The following LHFPL3 variants were observed in gnomAD, a reference collection of about 807,000 sequenced individuals.
LHFPL3 encodes LHFPL tetraspan subfamily member 3, also known as LHFPL tetraspan subfamily member 3 protein.
LHFPL3 carries 5 observed loss-of-function variants against 19.3 expected under a neutral mutation model. The ratio of observed to expected loss-of-function variants is 0.26; its 90% CI spans 0.14 to 0.54. The LOEUF (loss-of-function observed/expected upper bound fraction) is 0.54. Ranked by LOEUF, LHFPL3 falls within the 20% of genes least tolerant of loss-of-function variation. LHFPL3 has a pLI of 0.94. For missense variants in LHFPL3, 249 were observed against 307.4 expected (o/e 0.81, Z 1.42); for synonymous variants, 133 against 126.2 (o/e 1.05, Z -0.36).
intron 1 of LHFPL3, among the ~76,000 whole-genome samples, chr7:104,479,537 G>GC (rs1793091092): frequency 1.3e-5 from 2 of 152,002 alleles, no homozygotes; most frequent in African/African-American, 4.8e-5. Flanking sequence ...GATTACAGGT[G>GC]CCCACCACCA....
intron 1 of LHFPL3, among the ~76,000 whole-genome samples, chr7:104,527,489 G>A (rs909998493): frequency 2.0e-5 from 3 of 152,146 alleles, no homozygotes; most frequent in Non-Finnish European, 2.9e-5. Context: ...GAGACCAAGG[G>A]GAACAGAGTT....
intron 1 of LHFPL3, among the ~76,000 whole-genome samples, chr7:104,370,666 C>T (rs2078885): frequency 0.4 from 60,160 of 152,020 alleles, 12,156 homozygotes; most frequent in East Asian, 0.47. Context: ...GTGGATCGCC[C>T]GTGGTCAGAG....
At chr7:104,860,140 TACC>T (rs1165681136) in intron 2 of LHFPL3, among the ~76,000 whole-genome samples, 7 of 151,052 alleles carry the variant, frequency 4.6e-5, no homozygotes, top group African/African-American at 1.7e-4. Flanking sequence ...CTAATCCTTC[TACC>T]ACCACCCCCC....
intron 1 of LHFPL3, among the ~76,000 whole-genome samples, chr7:104,371,408 T>C (rs935039989): frequency 9.2e-5 from 14 of 152,286 alleles, no homozygotes; most frequent in Admixed American, 9.2e-4. Flanking sequence ...AACATTTGGA[T>C]ATAGTTCTCT....
At chr7:104,698,237 A>G (rs1423781913) in intron 1 of LHFPL3, among the ~76,000 whole-genome samples, 2 of 152,256 alleles carry the variant, frequency 1.3e-5, no homozygotes, top group Non-Finnish European at 2.9e-5. Context: ...ACATATAAGA[A>G]CAACAAAACA....
intron 2 of LHFPL3, among the ~76,000 whole-genome samples, chr7:104,893,444 G>T (rs1792292097): frequency 6.6e-6 from 1 of 151,822 alleles, no homozygotes; most frequent in Admixed American, 6.6e-5. Context: ...AACCTAGGAG[G>T]CTAGGAGGTG....
chr7:104,785,404 GCT>G (rs1349351696), intron 2 of LHFPL3: 1 of 152,108 alleles, frequency 6.6e-6, no homozygotes, highest in Non-Finnish European at 1.5e-5. Context: ...ATAAACCTCT[GCT>G]AAGTAAGTGA....
chr7:104,584,314 G>C (rs903059902), intron 1 of LHFPL3, among the ~76,000 whole-genome samples: 28 of 151,962 alleles, frequency 1.8e-4, no homozygotes, highest in Middle Eastern at 6.3e-3. Flanking sequence ...GTTGTGGGGT[G>C]GGGGGAGAGG....
intron 1 of LHFPL3, among the ~76,000 whole-genome samples, chr7:104,511,613 A>G (rs1179828947): frequency 6.6e-6 from 1 of 152,228 alleles, no homozygotes; most frequent in Non-Finnish European, 1.5e-5. Flanking sequence ...AGGTACATCC[A>G]TACCATGGAA....
At chr7:104,595,101 C>T (rs1790816831) in intron 1 of LHFPL3, among the ~76,000 whole-genome samples, 1 of 152,184 alleles carries the variant, frequency 6.6e-6, no homozygotes, top group African/African-American at 2.4e-5. Flanking sequence ...AGCTGTGAAC[C>T]TTTCGAGGAG....
In LHFPL3 at chr7:104,367,926, C is replaced by A. The variant is rs73403824; in HGVS notation, c.445+38702C>A. On this transcript the variant is annotated intron_variant, in intron 1 of 2. Transcript: ENST00000424859. ...TAGTTATTTCCCCAAGGCTTACTTT[C>A]CCCTTGTCCTTTTGAACTTTAAGCC... Among the ~76,000 whole-genome samples, 867 of 152,314 alleles carry A rather than the reference C, an allele frequency of 5.7e-3. 14 individuals carry two copies. Among genetic ancestry groups the A allele is most frequent in the African/African-American group, 0.02 (819 of 41,562 alleles).
intron 2 of LHFPL3, among the ~76,000 whole-genome samples, chr7:104,815,364 G>A (rs1275096784): frequency 6.6e-6 from 1 of 152,184 alleles, no homozygotes; most frequent in African/African-American, 2.4e-5. Context: ...GCTGGGGAGG[G>A]ACATGTGGGG....
intron 1 of LHFPL3, among the ~76,000 whole-genome samples, chr7:104,578,061 G>A (rs889766313): frequency 6.6e-6 from 1 of 152,196 alleles, no homozygotes; most frequent in Non-Finnish European, 1.5e-5. Flanking sequence ...ATAAAGAAAT[G>A]CAGTAAAGGA....
At chr7:104,645,266 TG>T (rs1386641970) in intron 1 of LHFPL3, among the ~76,000 whole-genome samples, 2 of 152,314 alleles carry the variant, frequency 1.3e-5, no homozygotes, top group African/African-American at 4.8e-5. Flanking sequence ...TTTTCAAAAC[TG>T]CTTTATTTTG....
chr7:104,573,584 T>G (rs1445314689), intron 1 of LHFPL3, among the ~76,000 whole-genome samples: 1 of 152,194 alleles, frequency 6.6e-6, no homozygotes, highest in East Asian at 1.9e-4. Context: ...CCCTTTGGAA[T>G]TATTTTGTCA....
intron 1 of LHFPL3, among the ~76,000 whole-genome samples, chr7:104,689,548 G>C (rs1307247969): frequency 1.3e-5 from 2 of 152,132 alleles, no homozygotes; most frequent in Admixed American, 1.3e-4. Flanking sequence ...CCCTTGAATG[G>C]AGGGGACACT....
chr7:104,334,327 A>T (rs181440975), intron 1 of LHFPL3, among the ~76,000 whole-genome samples: 1 of 152,310 alleles, frequency 6.6e-6, no homozygotes, highest in Non-Finnish European at 1.5e-5. Context: ...CGGGCAGATC[A>T]CCTGAGGTCA....
intron 2 of LHFPL3, among the ~76,000 whole-genome samples, chr7:104,905,414 T>C (rs1207949237): frequency 2.6e-5 from 4 of 152,266 alleles, no homozygotes; most frequent in East Asian, 3.9e-4. Flanking sequence ...CAGAATATTA[T>C]GCAGCCATTG....
chr7:104,773,889 C>G (rs1366474977), intron 2 of LHFPL3, among the ~76,000 whole-genome samples: 1 of 152,238 alleles, frequency 6.6e-6, no homozygotes, highest in Non-Finnish European at 1.5e-5. Flanking sequence ...TCCTTGACTT[C>G]TAGCATCCAG....
Sources: gnomAD v4.1 joint callset for allele counts (sites outside exome capture counted in the v4.1 genomes callset) on GRCh38, gnomAD v4.1.1 for gene constraint, MANE v1.5 for transcripts, NCBI Gene and HGNC (gene_info 2026-07-23, HGNC 2026-07-21) for gene names.